The following AKAP10 variants were observed in gnomAD, a reference collection of about 807,000 sequenced individuals.
AKAP10 encodes A-kinase anchoring protein 10.
A neutral mutation model predicts 80.8 loss-of-function variants in AKAP10; 24 were observed. The ratio of observed to expected loss-of-function variants is 0.30; its 90% CI spans 0.22 to 0.42. The LOEUF (loss-of-function observed/expected upper bound fraction) is 0.42, where lower values mean the gene tolerates loss of function less well. Among genes scored for constraint, AKAP10 ranks in the 10% least tolerant of loss-of-function variants. The probability of loss-of-function intolerance (pLI) is 1.00; values close to 1 mark genes in which losing one functional copy is unlikely to be tolerated. For synonymous variants in AKAP10, 291 were observed against 277.7 expected (o/e 1.05, Z -0.48); for missense variants, 661 against 794.9 (o/e 0.83, Z 2.03).
At position 19,946,253 on chromosome 17, in the gene AKAP10, ATATATATATATATATATATATATTTTTT is replaced by A. The variant is rs1567765731; in HGVS notation, c.976+1126_976+1153del. Reference sequence around the variant, plus strand: ...ATATATATATTATATATATATATATATATATATATATATATATATATATTTTTTTTTTTTTTTTTTTTTTTTGGCAGGG... The same window carrying A: ...ATATATATATTATATATATATATATATTTTTTTTTTTTTTTTTTGGCAGGG... On this transcript the variant is annotated intron_variant, in intron 5 of 14. Transcript: ENST00000225737. Among the ~76,000 whole-genome samples the A allele has an allele frequency of 6.2e-4, 13 of 20,820 alleles. 1 individual carries two copies. The highest frequency in any genetic ancestry group is 2.1e-3 in the African/African-American group (11 of 5,128). The allele number at this position is 20,820 out of a possible 152,430, so 13.7% of individuals were successfully genotyped here.
chr17:19,912,330 A>G (rs1318393506), intron 12 of AKAP10, among the ~76,000 whole-genome samples: 2 of 152,224 alleles, frequency 1.3e-5, no homozygotes, highest in African/African-American at 4.8e-5. Flanking sequence ...TGAGATCAGG[A>G]GTTCGAGACC....
rs752148068 is a variant in AKAP10, at chr17:19,958,136, A to G, written c.755T>C (p.Met252Thr). ...AACTTGGTGAGTTCCTGCTCTGGCC[A>G]TTTCAAGACGGAGAGAATGGGCACT... ...CDSAHSLRLEMARAGTHQVSM... is the reference protein window; with the variant it reads ...CDSAHSLRLETARAGTHQVSM... Residue 252 changes from methionine to threonine, a missense_variant, in exon 4 of 15, where the codon ATG becomes ACG. By Grantham distance (81) the Met-to-Thr change is moderately conservative. Coordinates refer to ENST00000225737, the MANE Select transcript of AKAP10 (RefSeq NM_007202.4). 1 of 1,614,164 alleles carries G rather than the reference A, an allele frequency of 6.2e-7. No individual in the cohort carries two copies. Among genetic ancestry groups the G allele is most frequent in the East Asian group, 2.2e-5 (1 of 44,878 alleles).
chr17:19,927,969 C>A (rs2152412327), intron 10 of AKAP10, among the ~76,000 whole-genome samples: 1 of 152,006 alleles, frequency 6.6e-6, no homozygotes, highest in South Asian at 2.1e-4. Context: ...CCTGTAATCC[C>A]AGCACTTTGG....
chr17:19,970,905 T>C (rs958017390), intron 1 of AKAP10, among the ~76,000 whole-genome samples: 9 of 152,144 alleles, frequency 5.9e-5, no homozygotes, highest in Non-Finnish European at 1.0e-4. Flanking sequence ...AAATACTTTT[T>C]ATTTTTATTT....
At chr17:19,977,278 G>A (rs1295669440) in intron 1 of AKAP10, among the ~76,000 whole-genome samples, 1 of 152,122 alleles carries the variant, frequency 6.6e-6, no homozygotes, top group Non-Finnish European at 1.5e-5. Flanking sequence ...TTGATCCACG[G>A]TCCTCAAAGA....
At chr17:19,911,937 C>T (rs2042695536) in intron 12 of AKAP10, among the ~76,000 whole-genome samples, 2 of 141,880 alleles carry the variant, frequency 1.4e-5, no homozygotes, top group South Asian at 5.0e-4. Flanking sequence ...AGGGATTTAT[C>T]AATTTAAGTA....
intron 2 of AKAP10, among the ~76,000 whole-genome samples, chr17:19,963,721 C>T (rs1477813987): frequency 2.0e-5 from 3 of 151,800 alleles, no homozygotes; most frequent in African/African-American, 7.3e-5. Flanking sequence ...ATGGTGAAAC[C>T]CTGTCTCTAC....
intron 14 of AKAP10, among the ~76,000 whole-genome samples, chr17:19,907,808 C>T (rs2042647138): frequency 6.6e-6 from 1 of 152,014 alleles, no homozygotes; most frequent in South Asian, 2.1e-4. Context: ...ATTGAGTTTT[C>T]TCCTGGTTAT....
intron 8 of AKAP10, among the ~76,000 whole-genome samples, chr17:19,938,177 T>G (rs1260730921): frequency 6.6e-6 from 1 of 151,946 alleles, no homozygotes; most frequent in Non-Finnish European, 1.5e-5. Context: ...TCTGCCTGCC[T>G]TGGCCTCCCA....
intron 5 of AKAP10, among the ~76,000 whole-genome samples, chr17:19,944,689 G>A (rs2043084928): frequency 6.6e-6 from 1 of 152,114 alleles, no homozygotes; most frequent in Non-Finnish European, 1.5e-5. Flanking sequence ...ATGCAGTCAT[G>A]CTTTATTCCT....
chr17:19,913,142 C>T (rs1156321041), intron 12 of AKAP10, among the ~76,000 whole-genome samples: 4 of 147,552 alleles, frequency 2.7e-5, no homozygotes, highest in Admixed American at 2.1e-4. Flanking sequence ...CGCCACCACG[C>T]CTGGCTAATT....
intron 9 of AKAP10, among the ~76,000 whole-genome samples, chr17:19,933,326 A>T (rs1206636167): frequency 6.6e-6 from 1 of 151,980 alleles, no homozygotes; most frequent in Non-Finnish European, 1.5e-5. Context: ...GCCAATATGT[A>T]CCTTTTTTGT....
chr17:19,910,261 G>A (rs1304535631), intron 12 of AKAP10, among the ~76,000 whole-genome samples: 2 of 148,950 alleles, frequency 1.3e-5, no homozygotes, highest in African/African-American at 2.5e-5. Flanking sequence ...TGGGAGCAGA[G>A]GTTGAAGCGA....
At chr17:19,959,019 G>GT (rs1032681823) in intron 3 of AKAP10, among the ~76,000 whole-genome samples, 2 of 151,724 alleles carry the variant, frequency 1.3e-5, no homozygotes, top group Non-Finnish European at 2.9e-5. Context: ...CGCTGAGCTA[G>GT]TTTTTGTACT....
At chr17:19,964,217 T>G (rs1162225559) in intron 2 of AKAP10, among the ~76,000 whole-genome samples, 1 of 152,228 alleles carries the variant, frequency 6.6e-6, no homozygotes, top group Non-Finnish European at 1.5e-5. Context: ...CATTGTTTCT[T>G]AATTAGATGT....
chr17:19,977,722 A>C lies in AKAP10; in HGVS notation c.-43T>G, dbSNP rs1211499717. 6 of 1,179,486 alleles carry C rather than the reference A, an allele frequency of 5.1e-6. No homozygotes were observed. Among genetic ancestry groups the C allele is most frequent in the Non-Finnish European group, 5.3e-6 (5 of 937,206 alleles). The allele number at this position is 1,179,486 out of a possible 1,614,324, so 73.1% of individuals were successfully genotyped here. A position where few individuals can be genotyped will look rare whatever the true frequency, so the allele number is the denominator to read the frequency against. The stretch of plus-strand genomic sequence containing the variant: ...CTTCCGGGTCCAGAGGGGCCGCTGC[A>C]CTAGCGCGAAAAGGGACCCTTCTTC... On this transcript the variant is annotated 5_prime_UTR_variant, in exon 1 of 15. Coordinates refer to ENST00000225737, the MANE Select transcript of AKAP10 (RefSeq NM_007202.4).
chr17:19,952,333 G>A (rs555593850), intron 4 of AKAP10, among the ~76,000 whole-genome samples: 39 of 151,820 alleles, frequency 2.6e-4, no homozygotes, highest in African/African-American at 6.3e-4. Context: ...GGCATGGTGC[G>A]CGTGCCTGTA....
At chr17:19,975,320 C>G (rs1049185048) in intron 1 of AKAP10, among the ~76,000 whole-genome samples, 1 of 152,222 alleles carries the variant, frequency 6.6e-6, no homozygotes, top group Non-Finnish European at 1.5e-5. Context: ...TGTTTGGCAT[C>G]TCGGCATTAG....
At chr17:19,962,291 C>CATACAT (rs1491284976) in intron 3 of AKAP10, among the ~76,000 whole-genome samples, 3 of 103,034 alleles carry the variant, frequency 2.9e-5, no homozygotes, top group African/African-American at 1.1e-4. Flanking sequence ...TACATACATA[C>CATACAT]ATATACACAC....
Sources: allele counts gnomAD v4.1 joint callset (sites outside exome capture counted in the v4.1 genomes callset), GRCh38; gene constraint gnomAD v4.1.1; transcripts MANE v1.5; gene names NCBI Gene and HGNC (gene_info 2026-07-23, HGNC 2026-07-21).